Variants in TNIK observed in about 807,000 individuals in gnomAD.
The protein encoded by TNIK is TRAF2 and NCK interacting kinase.
In TNIK, 49 loss-of-function variants were observed where a neutral mutation model predicts 191.3. The observed-to-expected ratio is 0.26, with a 90% CI of 0.20 to 0.32. The LOEUF (loss-of-function observed/expected upper bound fraction) is 0.32. Among genes scored for constraint, TNIK ranks in the 10% least tolerant of loss-of-function variants. TNIK has a pLI of 1.00. For synonymous variants in TNIK, 594 were observed against 600.9 expected (o/e 0.99, Z 0.17); for missense variants, 1,155 against 1,702.3 (o/e 0.68, Z 5.66).
At chr3:171,313,257 TTTCTTTCTTTC>T (rs1560414069) in intron 2 of TNIK, among the ~76,000 whole-genome samples, 1 of 152,038 alleles carries the variant, frequency 6.6e-6, no homozygotes, top group African/African-American at 2.4e-5. Context: ...TCTTTCTTTC[TTTCTTTCTTTC>T]TTTTTTTTTA....
At chr3:171,397,700 A>G (rs1720431935) in intron 1 of TNIK, among the ~76,000 whole-genome samples, 1 of 152,246 alleles carries the variant, frequency 6.6e-6, no homozygotes, top group Non-Finnish European at 1.5e-5. Context: ...TATCTTAAAG[A>G]AAATGCATAC....
At chr3:171,157,401 T>C in intron 12 of TNIK, 59 bp downstream of exon 12, 1 of 1,537,384 alleles carries the variant, frequency 6.5e-7, no homozygotes, top group Non-Finnish European at 8.8e-7. Flanking sequence ...CAGGGAATGC[T>C]TGGAGAGTGA....
In TNIK at chr3:171,101,493, C is replaced by T. The variant is rs1011198300; in HGVS notation, c.2547G>A (p.Glu849=). 1 of 1,613,486 alleles carries T rather than the reference C, an allele frequency of 6.2e-7. No homozygotes were observed. The highest frequency in any genetic ancestry group is 8.5e-7 in the Non-Finnish European group (1 of 1,179,542). ...SEEEEEDGES[E]THDGTVAVSD... is the part of the protein sequence containing the mutation. The stretch of plus-strand genomic sequence containing the variant: ...TGACAGCCACTGTCCCATCATGGGT[C>T]TCGCTCTCTCCATCTTCCTCCTCTT... The change falls in exon 22 of 33, where the codon GAG becomes GAA. Residue 849 remains glutamate (E), a synonymous_variant. Coordinates refer to ENST00000436636, the MANE Select transcript of TNIK (RefSeq NM_015028.4).
At chr3:171,307,890 T>G (rs906606891) in intron 2 of TNIK, among the ~76,000 whole-genome samples, 5 of 152,276 alleles carry the variant, frequency 3.3e-5, no homozygotes, top group Non-Finnish European at 7.4e-5. Flanking sequence ...CCAGAGGCTA[T>G]GTGCCACGAG....
intron 15 of TNIK, among the ~76,000 whole-genome samples, chr3:171,131,595 C>G (rs1419163192): frequency 6.6e-6 from 1 of 152,072 alleles, no homozygotes; most frequent in Non-Finnish European, 1.5e-5. Context: ...CAGGAAGGCT[C>G]CAGTGTACTG....
At chr3:171,339,103 T>C (rs902638358) in intron 2 of TNIK, among the ~76,000 whole-genome samples, 2 of 152,252 alleles carry the variant, frequency 1.3e-5, no homozygotes, top group Non-Finnish European at 2.9e-5. Flanking sequence ...GAGGGCTAAA[T>C]ACACATTTCT....
intron 21 of TNIK, 26 bp downstream of exon 21, chr3:171,107,157 C>T (rs1172648116): frequency 2.5e-6 from 4 of 1,602,452 alleles, no homozygotes; most frequent in East Asian, 4.5e-5. Flanking sequence ...TTTGTGAAAG[C>T]ATGACCAAGA....
At chr3:171,318,120 T>C (rs1754827123) in intron 2 of TNIK, among the ~76,000 whole-genome samples, 1 of 152,190 alleles carries the variant, frequency 6.6e-6, no homozygotes, top group Non-Finnish European at 1.5e-5. Flanking sequence ...ATGCTGCTTC[T>C]ATACCTCAGT....
At chr3:171,201,651 T>C (rs1739422209) in intron 4 of TNIK, among the ~76,000 whole-genome samples, 1 of 152,164 alleles carries the variant, frequency 6.6e-6, no homozygotes, top group Non-Finnish European at 1.5e-5. Flanking sequence ...AAATATAAAA[T>C]GTGTGTATAG....
At chr3:171,146,325 T>C (rs569923652) in intron 12 of TNIK, among the ~76,000 whole-genome samples, 9 of 152,356 alleles carry the variant, frequency 5.9e-5, no homozygotes, top group African/African-American at 1.9e-4. Context: ...CCTTTTGGAA[T>C]GAGGAAAAGT....
chr3:171,256,428 G>C (rs924713527), intron 2 of TNIK, among the ~76,000 whole-genome samples: 1 of 152,182 alleles, frequency 6.6e-6, no homozygotes, highest in Non-Finnish European at 1.5e-5. Flanking sequence ...ATGTCCCAAT[G>C]GGGAGATGCA....
intron 1 of TNIK, among the ~76,000 whole-genome samples, chr3:171,409,379 C>G (rs1456461792): frequency 7.9e-5 from 12 of 152,178 alleles, no homozygotes. Flanking sequence ...ATATTTACAC[C>G]ATCTGTAGGA....
At chr3:171,433,937 C>CTTTTTTTTTTTTTTTTTT (rs67036993) in intron 1 of TNIK, among the ~76,000 whole-genome samples, 1 of 71,114 alleles carries the variant, frequency 1.4e-5, no homozygotes, top group African/African-American at 5.7e-5. Flanking sequence ...TTTCTTTTTC[C>CTTTTTTTTTTTTTTTTTT]TTTTTTTTTT....
chr3:171,189,956 A>T (rs921359133), intron 6 of TNIK, among the ~76,000 whole-genome samples: 2 of 152,252 alleles, frequency 1.3e-5, no homozygotes, highest in Non-Finnish European at 1.5e-5. Flanking sequence ...AATGTTTGGG[A>T]TATAAACATA....
chr3:171,109,112 T>C (rs1725437571), intron 19 of TNIK, among the ~76,000 whole-genome samples: 1 of 152,192 alleles, frequency 6.6e-6, no homozygotes, highest in African/African-American at 2.4e-5. Flanking sequence ...AAATATTTGC[T>C]CTAAGAATAT....
intron 2 of TNIK, among the ~76,000 whole-genome samples, chr3:171,363,552 A>T (rs1211189809): frequency 6.6e-6 from 1 of 152,214 alleles, no homozygotes; most frequent in Non-Finnish European, 1.5e-5. Context: ...CCATTCTCCC[A>T]TACTCACTCC....
intron 3 of TNIK, among the ~76,000 whole-genome samples, chr3:171,225,370 G>A (rs754269478): frequency 1.6e-4 from 24 of 152,258 alleles, no homozygotes; most frequent in African/African-American, 4.6e-4. Flanking sequence ...GTTTGCCTTC[G>A]TTAAAAGTCA....
chr3:171,252,098 T>A (rs1156728559), intron 2 of TNIK, among the ~76,000 whole-genome samples: 1 of 152,018 alleles, frequency 6.6e-6, no homozygotes, highest in Non-Finnish European at 1.5e-5. Flanking sequence ...GTGTGTCATA[T>A]CTCTTTACTT....
intron 9 of TNIK, 38 bp from the exon 10 acceptor site, chr3:171,167,308 C>T (rs2292005): frequency 0.57 from 909,370 of 1,585,324 alleles, 265,192 homozygotes; most frequent in East Asian, 0.83. Context: ...GATAAAACGG[C>T]GATCCAAAGA....
Sources: gnomAD v4.1 joint callset for allele counts (sites outside exome capture counted in the v4.1 genomes callset) on GRCh38, gnomAD v4.1.1 for gene constraint, MANE v1.5 for transcripts, NCBI Gene and HGNC (gene_info 2026-07-23, HGNC 2026-07-21) for gene names.